PTPRT: variants seen among roughly 807,000 people sequenced by gnomAD.
The protein encoded by PTPRT is protein tyrosine phosphatase receptor type T.
In PTPRT, 56 loss-of-function variants were observed where a neutral mutation model predicts 176.8. The observed-to-expected ratio is 0.32, with a 90% CI of 0.26 to 0.40. The LOEUF (loss-of-function observed/expected upper bound fraction) is 0.40, where lower values mean the gene tolerates loss of function less well. PTPRT is among the 10% of genes least tolerant of loss of function. The pLI, the probability that PTPRT is intolerant of heterozygous loss-of-function variation, is 1.00. For missense variants in PTPRT, 1,540 were observed against 1,908.2 expected (o/e 0.81, Z 3.60); for synonymous variants, 783 against 739.0 (o/e 1.06, Z -0.96).
intron 8 of PTPRT, among the ~76,000 whole-genome samples, chr20:42,457,238 A>T (rs1295932979): frequency 1.3e-5 from 2 of 152,182 alleles, no homozygotes; most frequent in Non-Finnish European, 2.9e-5. Context: ...AGAGTTTATC[A>T]TCAAATAAAT....
At chr20:42,536,143 T>G (rs1191612185) in intron 7 of PTPRT, among the ~76,000 whole-genome samples, 1 of 152,102 alleles carries the variant, frequency 6.6e-6, no homozygotes. Flanking sequence ...TGAGTGTCCC[T>G]GCCCCGGCAG....
intron 25 of PTPRT, 134 bp from the exon 26 acceptor site, chr20:42,102,431 G>A (rs889826588): frequency 1.1e-5 from 11 of 974,854 alleles, no homozygotes; most frequent in South Asian, 5.0e-5. Flanking sequence ...CCCTTTCCCG[G>A]GACCCATTTC....
intron 8 of PTPRT, among the ~76,000 whole-genome samples, chr20:42,457,506 GT>G (rs1314875014): frequency 6.6e-6 from 1 of 152,182 alleles, no homozygotes; most frequent in African/African-American, 2.4e-5. Context: ...AATCTGTCCA[GT>G]AACCTTTCCG....
chr20:42,244,479 C>T (rs1186449487), intron 14 of PTPRT, among the ~76,000 whole-genome samples: 1 of 152,048 alleles, frequency 6.6e-6, no homozygotes, highest in East Asian at 1.9e-4. Flanking sequence ...ATGGATGGTA[C>T]CAACTTTGAA....
intron 7 of PTPRT, among the ~76,000 whole-genome samples, chr20:42,623,448 G>A (rs2074235671): frequency 6.6e-6 from 1 of 152,204 alleles, no homozygotes; most frequent in Non-Finnish European, 1.5e-5. Context: ...GGGAAGCAGG[G>A]AACTCTCCTG....
chr20:42,203,509 CTCT>C (rs1399691952), intron 15 of PTPRT, among the ~76,000 whole-genome samples: 2 of 152,162 alleles, frequency 1.3e-5, no homozygotes, highest in Non-Finnish European at 2.9e-5. Context: ...TGATGTGTCC[CTCT>C]TCTTCTCCAC....
chr20:42,562,962 A>T (rs1176123840), intron 7 of PTPRT, among the ~76,000 whole-genome samples: 2 of 152,220 alleles, frequency 1.3e-5, no homozygotes, highest in Non-Finnish European at 2.9e-5. Flanking sequence ...AAACAATAAA[A>T]GTGCTAGAAG....
At chr20:42,054,620 G>T in the PTPRT span, among the ~76,000 whole-genome samples, 2 of 152,112 alleles carry the variant, frequency 1.3e-5, no homozygotes, top group African/African-American at 4.8e-5. Context: ...AGGGTCTAAG[G>T]CAGCAAGGGA....
At chr20:42,699,831 T>C (rs1231831783) in intron 6 of PTPRT, among the ~76,000 whole-genome samples, 3 of 152,190 alleles carry the variant, frequency 2.0e-5, no homozygotes, top group Admixed American at 6.5e-5. Flanking sequence ...TTTTCTGTGA[T>C]TGTGTTACCA....
intron 7 of PTPRT, among the ~76,000 whole-genome samples, chr20:42,539,584 A>G (rs2072541139): frequency 6.6e-6 from 1 of 151,898 alleles, no homozygotes; most frequent in African/African-American, 2.4e-5. Flanking sequence ...CATGAAAGAT[A>G]GAGATCAAAA....
chr20:43,001,630 C>T (rs1453858809), intron 1 of PTPRT, among the ~76,000 whole-genome samples: 4 of 151,644 alleles, frequency 2.6e-5, no homozygotes, highest in South Asian at 4.2e-4. Flanking sequence ...AAAGCTGTAA[C>T]TCAAAAACAG....
At chr20:42,547,430 TA>T (rs1453221310) in intron 7 of PTPRT, among the ~76,000 whole-genome samples, 1 of 152,026 alleles carries the variant, frequency 6.6e-6, no homozygotes, top group Non-Finnish European at 1.5e-5. Flanking sequence ...AGAGACTTTA[TA>T]GTCACAGAAG....
At chr20:42,650,092 C>G (rs1256575984) in intron 7 of PTPRT, among the ~76,000 whole-genome samples, 1 of 152,086 alleles carries the variant, frequency 6.6e-6, no homozygotes, top group Non-Finnish European at 1.5e-5. Flanking sequence ...CACATCATTG[C>G]CAGAAAAAAA....
At chr20:42,357,523 C>T (rs2058373851) in intron 9 of PTPRT, among the ~76,000 whole-genome samples, 1 of 152,168 alleles carries the variant, frequency 6.6e-6, no homozygotes, top group Admixed American at 6.5e-5. Flanking sequence ...ATTTTAGTTT[C>T]CATTTTATGT....
At chr20:42,543,305 TTTG>T (rs1325489565) in intron 7 of PTPRT, among the ~76,000 whole-genome samples, 1 of 152,190 alleles carries the variant, frequency 6.6e-6, no homozygotes, top group Non-Finnish European at 1.5e-5. Context: ...TTCTAAATCC[TTTG>T]TTGTCATTTT....
At position 42,508,198 on chromosome 20, in the gene PTPRT, C is replaced by CAA. The variant is rs11480753; in HGVS notation, c.1154-35638_1154-35637dup. 2.7e-3 allele frequency among the ~76,000 whole-genome samples: 368 copies of CAA among 136,474 alleles called. 3 individuals carry two copies. Among genetic ancestry groups the CAA allele is most frequent in the African/African-American group, 9.1e-3 (336 of 36,962 alleles). The allele number at this position is 136,474 out of a possible 152,430, so 89.5% of individuals were successfully genotyped here. On this transcript the variant is annotated intron_variant, in intron 7 of 30. Coordinates refer to ENST00000373187, the MANE Select transcript of PTPRT (RefSeq NM_007050.6). ...TCCTTAATTTTGGCTTTTAGATATG[C>CAA]AAAAAAAAAAAGACTAAGGTAGAAT...
chr20:42,532,572 T>C (rs1312800602), intron 7 of PTPRT, among the ~76,000 whole-genome samples: 1 of 152,178 alleles, frequency 6.6e-6, no homozygotes, highest in African/African-American at 2.4e-5. Flanking sequence ...TTGTTAACTT[T>C]TAAAGAAAAT....
intron 13 of PTPRT, among the ~76,000 whole-genome samples, chr20:42,271,327 GATAACT>G (rs1289113470): frequency 6.6e-6 from 1 of 152,204 alleles, no homozygotes; most frequent in Non-Finnish European, 1.5e-5. Flanking sequence ...TCACCTGGCT[GATAACT>G]GTTCATCCGT....
intron 2 of PTPRT, among the ~76,000 whole-genome samples, chr20:42,848,630 G>A (rs902139830): frequency 3.3e-5 from 5 of 152,052 alleles, no homozygotes; most frequent in African/African-American, 1.2e-4. Flanking sequence ...CTTCTTTTGA[G>A]AATTGTCTAT....
Sources: allele counts gnomAD v4.1 joint callset (sites outside exome capture counted in the v4.1 genomes callset), GRCh38; gene constraint gnomAD v4.1.1; transcripts MANE v1.5; gene names NCBI Gene and HGNC (gene_info 2026-07-23, HGNC 2026-07-21).